ASXL1: variants seen among roughly 807,000 people sequenced by gnomAD.
The protein encoded by ASXL1 is polycomb group protein ASXL1.
ASXL1 carries 65 observed loss-of-function variants against 89.1 expected under a neutral mutation model. That is an observed-to-expected ratio of 0.73 (90% CI 0.60 to 0.90). The LOEUF is 0.90. Among genes scored for constraint, ASXL1 ranks in the 40% least tolerant of loss-of-function variants. The pLI is 0.00. For synonymous variants in ASXL1, 739 were observed against 746.9 expected (o/e 0.99, Z 0.17); for missense variants, 1,786 against 1,942.9 (o/e 0.92, Z 1.52).
intron 1 of ASXL1, among the ~76,000 whole-genome samples, chr20:32,363,516 G>A (rs890161522): frequency 6.6e-6 from 1 of 152,194 alleles, no homozygotes; most frequent in Non-Finnish European, 1.5e-5. Context: ...GTCATGATAC[G>A]TGTTATCATA....
intron 4 of ASXL1, among the ~76,000 whole-genome samples, chr20:32,411,816 G>C (rs576010377): frequency 6.6e-6 from 1 of 152,234 alleles, no homozygotes; most frequent in South Asian, 2.1e-4. Flanking sequence ...GAGATCATAG[G>C]CATGAGCCAT....
In ASXL1 at chr20:32,429,449, G is replaced by T. The variant is rs2011450603; in HGVS notation, c.565+18G>T. ...TGCATCAGGTATGTGTAAACTCATG[G>T]TTGTGATGCTTTTTCCTCAGGTCCT... On this transcript the variant is annotated intron_variant, in intron 7 of 12. Transcript: ENST00000375687. This position sits in a 1 kb window ranked among gnomAD's most constrained non-coding sequence, Gnocchi z 4.9. The T allele has an allele frequency of 6.2e-7, 1 of 1,610,638 alleles. No homozygotes were observed. The highest frequency in any genetic ancestry group is 8.5e-7 in the Non-Finnish European group (1 of 1,176,842).
rs1267799167 is a variant in ASXL1, at chr20:32,438,769, T to C, written c.*1431T>C. On this transcript the variant is annotated 3_prime_UTR_variant, in exon 13 of 13. Transcript: ENST00000375687. The stretch of plus-strand genomic sequence containing the variant: ...AGCAATACCTGGGACCATGCTCTCC[T>C]GGGACTGTGAGGCTCCTTTTGACGT... The C allele has an allele frequency of 1.3e-5, 3 of 233,476 alleles. No homozygotes were observed. The highest frequency in any genetic ancestry group is 2.5e-5 in the Non-Finnish European group (3 of 118,024). 14.5% of individuals were successfully genotyped at this position (233,476 alleles called of 1,614,324 possible). A position where few individuals can be genotyped will look rare whatever the true frequency, so the allele number is the denominator to read the frequency against.
At chr20:32,367,665 T>A in intron 2 of ASXL1, 62 bp from the exon 3 acceptor site, 2 of 779,718 alleles carry the variant, frequency 2.6e-6, no homozygotes, top group South Asian at 2.7e-5. Flanking sequence ...TTATTTTTGT[T>A]TTTATGGGCT....
rs1388766224 is a variant in ASXL1 at position 32,358,820 on chromosome 20, G to A, written c.45G>A (p.Glu15=). 4.0e-6 allele frequency: 6 copies of A among 1,508,834 alleles called. No individual in the cohort carries two copies. The highest frequency in any genetic ancestry group is 5.3e-6 in the Non-Finnish European group (6 of 1,127,982). The allele number at this position is 1,508,834 out of a possible 1,614,324, so 93.5% of individuals were successfully genotyped here. Residue 15 remains glutamate, a synonymous_variant, in exon 1 of 13, where the codon GAG becomes GAA. Coordinates refer to ENST00000375687, the MANE Select transcript of ASXL1 (RefSeq NM_015338.6). ...AGAAGAAGGAGCGCACGTGGGCCGA[G>A]GCCGCGCGCCTGGTGAGGCGGACAG... ...QKKKKERTWA[E]AARLVLENYS...
intron 4 of ASXL1, among the ~76,000 whole-genome samples, chr20:32,380,515 C>T (rs950682846): frequency 6.6e-6 from 1 of 151,982 alleles, no homozygotes; most frequent in Non-Finnish European, 1.5e-5. Context: ...ACTTTGGGAG[C>T]CCAAGGTGGG....
At chr20:32,378,335 A>G (rs1282130307) in intron 4 of ASXL1, among the ~76,000 whole-genome samples, 2 of 151,880 alleles carry the variant, frequency 1.3e-5, no homozygotes, top group African/African-American at 4.8e-5. Context: ...CTGTGTTTTG[A>G]TGGCAACCCA....
At chr20:32,399,745 C>CTATTTTT (rs1600525633) in intron 4 of ASXL1, among the ~76,000 whole-genome samples, 4 of 66,612 alleles carry the variant, frequency 6.0e-5, no homozygotes, top group East Asian at 5.6e-4. Context: ...ACATATTTTA[C>CTATTTTT]TCTTTTTTTT....
At chr20:32,388,809 C>G (rs1018013700) in intron 4 of ASXL1, among the ~76,000 whole-genome samples, 2 of 152,034 alleles carry the variant, frequency 1.3e-5, no homozygotes, top group African/African-American at 4.8e-5. Flanking sequence ...TTTGGTAGAT[C>G]ATGCCTATAA....
chr20:32,384,198 G>GTTTTTT (rs71187115), intron 4 of ASXL1, among the ~76,000 whole-genome samples: 1 of 77,300 alleles, frequency 1.3e-5, no homozygotes, highest in African/African-American at 4.7e-5. Flanking sequence ...GCAGCAGTCT[G>GTTTTTT]TTTTTTTTTT....
chr20:32,391,453 C>A (rs2048669173), intron 4 of ASXL1, among the ~76,000 whole-genome samples: 1 of 152,090 alleles, frequency 6.6e-6, no homozygotes, highest in Non-Finnish European at 1.5e-5. Context: ...AAGCTGTTTT[C>A]CAAAGTGGCT....
Position 32,434,526 on chromosome 20 carries a change from G to A in ASXL1, c.1814G>A (p.Cys605Tyr), listed in dbSNP as rs772781848. Residue 605 changes from cysteine (C) to tyrosine (Y), a missense_variant, in exon 13 of 13, where the codon TGC becomes TAC. By Grantham distance (194) the Cys-to-Tyr change is radical. Coordinates refer to ENST00000375687, the MANE Select transcript of ASXL1 (RefSeq NM_015338.6). ...PRIIPTTESS[C>Y]RGWTGARTLA... ...ATCATCCCCACCACGGAGTCCTCCT[G>A]CCGGGGTTGGACTGGCGCCAGGACC... 26 of 1,613,876 alleles carry A rather than the reference G, an allele frequency of 1.6e-5. No individual in the cohort carries two copies. Among genetic ancestry groups the A allele is most frequent in the Non-Finnish European group, 2.2e-5 (26 of 1,180,052 alleles).
chr20:32,437,575 T>G lies in ASXL1; in HGVS notation c.*237T>G. ...GCCCAAGGCCAGCCAGCCTGAGCTCTCCTGCAAGACAGAGCCTGATGTGGC... is the reference window on the plus strand; with the variant it reads ...GCCCAAGGCCAGCCAGCCTGAGCTCGCCTGCAAGACAGAGCCTGATGTGGC... On this transcript the variant is annotated 3_prime_UTR_variant, in exon 13 of 13. Transcript: ENST00000375687. The G allele has an allele frequency of 1.1e-5, 6 of 551,728 alleles. No individual in the cohort carries two copies. Among genetic ancestry groups the G allele is most frequent in the Non-Finnish European group, 1.6e-5 (5 of 317,868 alleles). The allele number at this position is 551,728 out of a possible 1,614,324, so 34.2% of individuals were successfully genotyped here.
chr20:32,415,994 T>C (rs1397520826), intron 4 of ASXL1, among the ~76,000 whole-genome samples: 1 of 152,222 alleles, frequency 6.6e-6, no homozygotes, highest in African/African-American at 2.4e-5. Context: ...GCCATGTTGT[T>C]GATTAAGAAG....
intron 4 of ASXL1, among the ~76,000 whole-genome samples, chr20:32,374,565 G>A (rs964761534): frequency 3.9e-5 from 6 of 152,186 alleles, no homozygotes; most frequent in African/African-American, 1.4e-4. Flanking sequence ...GAAGTGCTGG[G>A]ATTACAGGTG....
intron 4 of ASXL1, among the ~76,000 whole-genome samples, chr20:32,401,631 CT>C (rs2048876829): frequency 6.7e-6 from 1 of 148,554 alleles, no homozygotes; most frequent in African/African-American, 2.5e-5. Context: ...TCTTGGCTCA[CT>C]GCAATCTGCA....
At chr20:32,420,439 A>G (rs2049222271) in intron 4 of ASXL1, among the ~76,000 whole-genome samples, 1 of 152,094 alleles carries the variant, frequency 6.6e-6, no homozygotes, top group Non-Finnish European at 1.5e-5. Flanking sequence ...ATTTTTTAAA[A>G]CATCTGACCT....
chr20:32,436,497 G>T lies in ASXL1; in HGVS notation c.3785G>T (p.Ser1262Ile), dbSNP rs2011892810. 1.2e-6 allele frequency: 2 copies of T among 1,614,186 alleles called. No individual in the cohort carries two copies. The highest frequency in any genetic ancestry group is 2.7e-5 in the African/African-American group (2 of 75,070). ...DSNSNAAPGK[S>I]PGDLTTSRTP... is the part of the protein sequence containing the mutation. The stretch of plus-strand genomic sequence containing the variant: ...AATTCAAATGCTGCTCCAGGAAAGA[G>T]CCCAGGAGATCTTACTACCTCGAGA... The change falls in exon 13 of 13, where the codon AGC (serine) becomes ATC (isoleucine). Residue 1262 changes from serine to isoleucine, a missense_variant. By Grantham distance (142) the Ser-to-Ile change is moderately radical (BLOSUM62 -2). Coordinates refer to ENST00000375687, the MANE Select transcript of ASXL1 (RefSeq NM_015338.6).
Position 32,439,037 on chromosome 20 carries a change from T to C in ASXL1, c.*1699T>C. On this transcript the variant is annotated 3_prime_UTR_variant, in exon 13 of 13. Transcript: ENST00000375687. ...AAGGTTTTTTTCTCATTTAATCTGA[T>C]GTGGCATTTTCGTCATCTGAAGCAT... 1 of 233,672 alleles carries C rather than the reference T, an allele frequency of 4.3e-6. No individual in the cohort carries two copies. The highest frequency in any genetic ancestry group is 8.5e-6 in the Non-Finnish European group (1 of 117,992). 14.5% of individuals were successfully genotyped at this position (233,672 alleles called of 1,614,324 possible). A position where few individuals can be genotyped will look rare whatever the true frequency, so the allele number is the denominator to read the frequency against.
Sources: allele counts gnomAD v4.1 joint callset (sites outside exome capture counted in the v4.1 genomes callset), GRCh38; gene constraint gnomAD v4.1.1; non-coding constraint Gnocchi (gnomAD v3.1); transcripts MANE v1.5; gene names NCBI Gene and HGNC (gene_info 2026-07-23, HGNC 2026-07-21).